The following FSTL4 variants were observed in gnomAD, a reference collection of about 807,000 sequenced individuals.
FSTL4 encodes the protein follistatin-related protein 4.
In FSTL4, 28 loss-of-function variants were observed where a neutral mutation model predicts 78.2. The ratio of observed to expected loss-of-function variants is 0.36; its 90% confidence interval spans 0.27 to 0.49. FSTL4 has a LOEUF of 0.49. Among genes scored for constraint, FSTL4 ranks in the 20% least tolerant of loss-of-function variants. The pLI, the probability that FSTL4 is intolerant of heterozygous loss-of-function variation, is 0.98. For missense variants in FSTL4, 922 were observed against 1,084.9 expected (o/e 0.85, Z 2.11); for synonymous variants, 422 against 440.5 (o/e 0.96, Z 0.53).
chr5:133,704,813 A>T, the FSTL4 span, among the ~76,000 whole-genome samples: 2 of 152,146 alleles, frequency 1.3e-5, no homozygotes, highest in Non-Finnish European at 2.9e-5. Context: ...ATTTTCAGGC[A>T]TGGTGTCAGC....
At chr5:133,373,803 C>A (rs1226279267) in intron 4 of FSTL4, among the ~76,000 whole-genome samples, 1 of 152,188 alleles carries the variant, frequency 6.6e-6, no homozygotes, top group Admixed American at 6.5e-5. Context: ...CAGCAATGGT[C>A]CCCAAAATCT....
intron 6 of FSTL4, among the ~76,000 whole-genome samples, chr5:133,272,807 A>AACT (rs1209022023): frequency 6.6e-6 from 1 of 152,264 alleles, no homozygotes; most frequent in African/African-American, 2.4e-5. Context: ...ACAGATCTAT[A>AACT]ACTGTTTCTC....
chr5:133,210,678 A>T (rs1581528149), intron 13 of FSTL4, among the ~76,000 whole-genome samples: 1 of 151,858 alleles, frequency 6.6e-6, no homozygotes, highest in South Asian at 2.1e-4. Context: ...TTTAGTAGAG[A>T]TGGGATTTCT....
At chr5:133,217,023 G>A (rs6883521) in intron 13 of FSTL4, among the ~76,000 whole-genome samples, 9,332 of 152,240 alleles carry the variant, frequency 0.061, 925 homozygotes, top group African/African-American at 0.21. Flanking sequence ...ACTAGAATAT[G>A]AGTTCTAGGG....
the FSTL4 span, among the ~76,000 whole-genome samples, chr5:133,818,212 AG>A: frequency 9.2e-5 from 14 of 152,238 alleles, no homozygotes; most frequent in Non-Finnish European, 1.5e-4. Context: ...TGATAGCAGC[AG>A]CAAGAGTCAA....
chr5:133,827,146 G>C, the FSTL4 span, among the ~76,000 whole-genome samples: 1 of 152,192 alleles, frequency 6.6e-6, no homozygotes, highest in Non-Finnish European at 1.5e-5. Flanking sequence ...CATCATCCTC[G>C]GCTCTGGGAC....
intron 3 of FSTL4, among the ~76,000 whole-genome samples, chr5:133,483,683 C>A (rs926224841): frequency 3.3e-5 from 5 of 152,236 alleles, no homozygotes; most frequent in Non-Finnish European, 5.9e-5. Flanking sequence ...CTTTGTGTTT[C>A]AGTAAGGCAC....
At chr5:133,768,356 C>A in the FSTL4 span, among the ~76,000 whole-genome samples, 1 of 152,170 alleles carries the variant, frequency 6.6e-6, no homozygotes, top group Admixed American at 6.5e-5. Context: ...ACCCAGTGTG[C>A]CTGTGCAGCG....
chr5:133,322,329 C>T (rs1400984148), intron 4 of FSTL4, among the ~76,000 whole-genome samples: 1 of 147,378 alleles, frequency 6.8e-6, no homozygotes, highest in Non-Finnish European at 1.5e-5. Flanking sequence ...CCACACACAC[C>T]CACACGGGAC....
intron 3 of FSTL4, among the ~76,000 whole-genome samples, chr5:133,545,132 T>C (rs1759549883): frequency 2.0e-5 from 3 of 152,122 alleles, no homozygotes; most frequent in African/African-American, 7.2e-5. Flanking sequence ...TCACCAGAAA[T>C]ATCAACCATG....
intron 4 of FSTL4, among the ~76,000 whole-genome samples, chr5:133,340,057 C>G (rs1289339199): frequency 6.6e-6 from 1 of 152,024 alleles, no homozygotes; most frequent in Admixed American, 6.5e-5. Flanking sequence ...GTGCTGTTTC[C>G]CCCCACACTC....
At chr5:133,492,239 C>G (rs1373247007) in intron 3 of FSTL4, among the ~76,000 whole-genome samples, 1 of 152,158 alleles carries the variant, frequency 6.6e-6, no homozygotes, top group Non-Finnish European at 1.5e-5. Context: ...TTTTAAATGA[C>G]CCCAAATTAG....
chr5:133,510,693 A>C (rs976519422), intron 3 of FSTL4, among the ~76,000 whole-genome samples: 2 of 152,150 alleles, frequency 1.3e-5, no homozygotes, highest in African/African-American at 4.8e-5. Context: ...AACAAAATGT[A>C]GTGTAAATGT....
intron 4 of FSTL4, among the ~76,000 whole-genome samples, chr5:133,329,643 A>T (rs1754296668): frequency 6.6e-6 from 1 of 152,016 alleles, no homozygotes; most frequent in Non-Finnish European, 1.5e-5. Flanking sequence ...CCTTCTTTAT[A>T]TTCGCTGGAA....
intron 4 of FSTL4, among the ~76,000 whole-genome samples, chr5:133,350,747 G>C (rs1467199105): frequency 1.3e-5 from 2 of 152,158 alleles, no homozygotes; most frequent in African/African-American, 4.8e-5. Flanking sequence ...CATCCCCTGG[G>C]TGTGGCCCTG....
At chr5:133,639,539 T>G in the FSTL4 span, among the ~76,000 whole-genome samples, 5,056 of 152,302 alleles carry the variant, frequency 0.033, 101 homozygotes, top group East Asian at 0.067. Flanking sequence ...CCTCAGAGCT[T>G]GCCTTGCTTC....
At chr5:133,372,004 G>A (rs1755317398) in intron 4 of FSTL4, among the ~76,000 whole-genome samples, 1 of 152,208 alleles carries the variant, frequency 6.6e-6, no homozygotes, top group African/African-American at 2.4e-5. Flanking sequence ...CCAGGAGAGA[G>A]GAATTGAAAT....
intron 3 of FSTL4, among the ~76,000 whole-genome samples, chr5:133,412,866 G>A (rs1051722518): frequency 3.9e-5 from 6 of 151,932 alleles, no homozygotes; most frequent in African/African-American, 1.5e-4. Flanking sequence ...GCTCTCCCAC[G>A]ATATTTAGTT....
chr5:133,465,942 G>A (rs1355859897), intron 3 of FSTL4, among the ~76,000 whole-genome samples: 1 of 152,210 alleles, frequency 6.6e-6, no homozygotes, highest in Non-Finnish European at 1.5e-5. Context: ...TAATCCCTAT[G>A]CCAACAAGCT....
Sources: gnomAD v4.1 joint callset for allele counts (sites outside exome capture counted in the v4.1 genomes callset) on GRCh38, gnomAD v4.1.1 for gene constraint, MANE v1.5 for transcripts, NCBI Gene and HGNC (gene_info 2026-07-23, HGNC 2026-07-21) for gene names.